Variants in ZNF892 observed in about 807,000 individuals in gnomAD.
The protein encoded by ZNF892 is zinc finger protein 570-like.
At chr2:95,253,080 CTTTAGT>C in the ZNF892 span, among the ~76,000 whole-genome samples, 2 of 152,192 alleles carry the variant, frequency 1.3e-5, no homozygotes, top group Non-Finnish European at 2.9e-5. Context: ...TGCAGAAGCT[CTTTAGT>C]TTAATTAGAT....
chr2:95,252,222 C>T, the ZNF892 span, among the ~76,000 whole-genome samples: 1 of 150,630 alleles, frequency 6.6e-6, no homozygotes, highest in African/African-American at 2.5e-5. Flanking sequence ...TCTCCTAATG[C>T]TATCCCTCCC....
the ZNF892 span, among the ~76,000 whole-genome samples, chr2:95,244,754 G>A: frequency 1.3e-5 from 2 of 152,010 alleles, no homozygotes; most frequent in Admixed American, 6.6e-5. Flanking sequence ...TCATTACCAC[G>A]TGGCATATAC....
At chr2:95,227,041 C>A in the ZNF892 span, among the ~76,000 whole-genome samples, 1 of 152,066 alleles carries the variant, frequency 6.6e-6, no homozygotes, top group Non-Finnish European at 1.5e-5. Flanking sequence ...GAAATAATCG[C>A]TACCACAATT....
chr2:95,261,375 AC>A, the ZNF892 span, among the ~76,000 whole-genome samples: 5 of 151,908 alleles, frequency 3.3e-5, no homozygotes, highest in Non-Finnish European at 7.4e-5. Flanking sequence ...GCCCACTGCA[AC>A]CTTCGCCCCC....
chr2:95,255,273 G>A, the ZNF892 span, among the ~76,000 whole-genome samples: 2 of 152,110 alleles, frequency 1.3e-5, no homozygotes, highest in Admixed American at 6.5e-5. Context: ...ATTCTGGTAT[G>A]TTGTGTCTTT....
chr2:95,229,522 T>A, the ZNF892 span, among the ~76,000 whole-genome samples: 6 of 152,292 alleles, frequency 3.9e-5, no homozygotes, highest in East Asian at 1.2e-3. Flanking sequence ...CCTCTACTAG[T>A]TTTATCTGTT....
At chr2:95,219,799 T>C in the ZNF892 span, among the ~76,000 whole-genome samples, 1 of 152,316 alleles carries the variant, frequency 6.6e-6, no homozygotes, top group Admixed American at 6.5e-5. Flanking sequence ...AGGTTCACCA[T>C]TGACCTCTAA....
chr2:95,222,635 G>A, the ZNF892 span, among the ~76,000 whole-genome samples: 4 of 152,124 alleles, frequency 2.6e-5, no homozygotes, highest in Non-Finnish European at 5.9e-5. Flanking sequence ...TTGATGAAGT[G>A]TTCAAATCTT....
At chr2:95,260,075 G>A in the ZNF892 span, among the ~76,000 whole-genome samples, 1 of 152,172 alleles carries the variant, frequency 6.6e-6, no homozygotes, top group Non-Finnish European at 1.5e-5. Context: ...ACCCAGGTCC[G>A]GCTGCTGCGT....
the ZNF892 span, among the ~76,000 whole-genome samples, chr2:95,229,695 C>T: frequency 6.6e-6 from 1 of 152,094 alleles, no homozygotes; most frequent in Non-Finnish European, 1.5e-5. Context: ...TTTATTCATT[C>T]TACTGTTGAT....
At chr2:95,253,718 A>T in the ZNF892 span, among the ~76,000 whole-genome samples, 1 of 152,198 alleles carries the variant, frequency 6.6e-6, no homozygotes, top group Non-Finnish European at 1.5e-5. Context: ...GCCCATGAAC[A>T]TGGAATGTTC....
chr2:95,210,949 G>A, the ZNF892 span, among the ~76,000 whole-genome samples: 2 of 152,232 alleles, frequency 1.3e-5, no homozygotes, highest in South Asian at 4.1e-4. Flanking sequence ...TCAGGAATAG[G>A]AAGCAGGATG....
the ZNF892 span, among the ~76,000 whole-genome samples, chr2:95,246,987 A>G: frequency 6.6e-6 from 1 of 152,234 alleles, no homozygotes; most frequent in East Asian, 1.9e-4. Flanking sequence ...AACATTCTTT[A>G]CAGAATTAGA....
the ZNF892 span, among the ~76,000 whole-genome samples, chr2:95,222,457 A>C: frequency 6.6e-6 from 1 of 152,218 alleles, no homozygotes; most frequent in Non-Finnish European, 1.5e-5. Context: ...GCAACGTATG[A>C]AGATGTGGTT....
the ZNF892 span, among the ~76,000 whole-genome samples, chr2:95,261,199 G>C: frequency 1.3e-5 from 2 of 152,208 alleles, no homozygotes; most frequent in African/African-American, 4.8e-5. Flanking sequence ...ACGGACACCT[G>C]TGAGGGCATC....
At chr2:95,210,722 G>A in the ZNF892 span, among the ~76,000 whole-genome samples, 1 of 152,022 alleles carries the variant, frequency 6.6e-6, no homozygotes, top group Admixed American at 6.6e-5. Flanking sequence ...CCAAGTACTA[G>A]GCTGCTTCAG....
the ZNF892 span, among the ~76,000 whole-genome samples, chr2:95,226,039 C>T: frequency 6.6e-6 from 1 of 152,142 alleles, no homozygotes; most frequent in Admixed American, 6.5e-5. Context: ...CTCTACAGTT[C>T]TGGGGTCATG....
chr2:95,236,185 T>G, the ZNF892 span, among the ~76,000 whole-genome samples: 1 of 152,198 alleles, frequency 6.6e-6, no homozygotes, highest in Non-Finnish European at 1.5e-5. Context: ...ATAGTTAATG[T>G]TTTCAAATTG....
chr2:95,232,221 C>G, the ZNF892 span: 1 of 152,194 alleles, frequency 6.6e-6, no homozygotes, highest in South Asian at 2.1e-4. Context: ...TACCGGGGGG[C>G]CCTGGGCTTC....
Sources: gnomAD v4.1 joint callset for allele counts (sites outside exome capture counted in the v4.1 genomes callset) on GRCh38, gnomAD v4.1.1 for gene constraint, MANE v1.5 for transcripts, NCBI Gene and HGNC (gene_info 2026-07-23, HGNC 2026-07-21) for gene names.